GSK3B: variants seen among roughly 807,000 people sequenced by gnomAD.
The protein encoded by GSK3B is glycogen synthase kinase 3 beta.
GSK3B carries 15 observed loss-of-function variants against 56.4 expected under a neutral mutation model. That is an observed-to-expected ratio of 0.27 (90% CI 0.18 to 0.41). The LOEUF (loss-of-function observed/expected upper bound fraction) is 0.41, where lower values mean the gene tolerates loss of function less well. Among genes scored for constraint, GSK3B ranks in the 10% least tolerant of loss-of-function variants. GSK3B has a pLI of 1.00. For missense variants in GSK3B, 300 were observed against 513.4 expected (o/e 0.58, Z 4.02); for synonymous variants, 181 against 188.9 (o/e 0.96, Z 0.34).
chr3:119,848,638 A>T (rs1191060100), intron 9 of GSK3B, among the ~76,000 whole-genome samples: 2 of 152,144 alleles, frequency 1.3e-5, no homozygotes, highest in Non-Finnish European at 2.9e-5. Context: ...TTGTACTTTT[A>T]ATGTAGTAGT....
In GSK3B at chr3:119,843,295, T is replaced by C; in HGVS notation, c.1155A>G (p.Gln385=). The C allele has an allele frequency of 1.2e-6, 2 of 1,611,308 alleles. No individual in the cohort carries two copies. The highest frequency in any genetic ancestry group is 1.7e-6 in the Non-Finnish European group (2 of 1,177,974). ...TILIPPHARI[Q]AAASTPTNAT... is the part of the protein sequence containing the mutation. ...CATTTGTGGGGGTTGAAGCAGCTGC[T>C]TGAATCCGAGCATGAGGAGGAATAA... The change falls in exon 10 of 11, where the codon CAA becomes CAG. Residue 385 remains glutamine (Q), a synonymous_variant. Transcript: ENST00000264235.
At chr3:119,871,795 G>C (rs1167286293) in intron 8 of GSK3B, among the ~76,000 whole-genome samples, 2 of 152,080 alleles carry the variant, frequency 1.3e-5, no homozygotes, top group Admixed American at 6.5e-5. Flanking sequence ...ATGGCTGCAT[G>C]GTCCCTTCAA....
intron 3 of GSK3B, among the ~76,000 whole-genome samples, chr3:119,927,631 T>G (rs2056900622): frequency 2.0e-5 from 3 of 151,560 alleles, no homozygotes; most frequent in Non-Finnish European, 4.4e-5. Flanking sequence ...ACACTTTGAG[T>G]AGTTATATTA....
intron 1 of GSK3B, among the ~76,000 whole-genome samples, chr3:120,047,560 C>G (rs543644565): frequency 6.6e-6 from 1 of 152,166 alleles, no homozygotes; most frequent in Non-Finnish European, 1.5e-5. Flanking sequence ...GCAACTAGTA[C>G]ATAAAATAGC....
intron 5 of GSK3B, among the ~76,000 whole-genome samples, 158 bp downstream of exon 5, chr3:119,915,886 A>G (rs999931896): frequency 2.6e-5 from 4 of 152,198 alleles, no homozygotes; most frequent in African/African-American, 9.6e-5. Flanking sequence ...TAATTTTGAC[A>G]GAAACTAACA....
rs2055477352 is a variant in GSK3B at position 119,824,898 on chromosome 3, G to A, written c.*1890C>T. 5.5e-6 allele frequency: 1 copy of A among 180,770 alleles called. No individual in the cohort carries two copies. The highest frequency in any genetic ancestry group is 1.2e-5 in the Non-Finnish European group (1 of 84,694). 11.2% of individuals were successfully genotyped at this position (180,770 alleles called of 1,614,324 possible). On this transcript the variant is annotated 3_prime_UTR_variant, in exon 11 of 11. Transcript: ENST00000264235. The stretch of plus-strand genomic sequence containing the variant: ...ACTCTCTTGGAGAGTCACACACACA[G>A]TTAAGGAGCAGGACAGGGTGCTAGG...
chr3:119,941,521 C>T (rs867665082), intron 3 of GSK3B, among the ~76,000 whole-genome samples: 32 of 152,234 alleles, frequency 2.1e-4, no homozygotes, highest in African/African-American at 5.3e-4. Context: ...ACTTACTTAA[C>T]GGCTGTTGTA....
chr3:119,904,078 T>C (rs1226757301), intron 7 of GSK3B, among the ~76,000 whole-genome samples: 1 of 152,124 alleles, frequency 6.6e-6, no homozygotes, highest in Non-Finnish European at 1.5e-5. Flanking sequence ...AGAGCTGTAT[T>C]TAAAAATAAA....
chr3:120,015,666 A>C (rs1045961471), intron 1 of GSK3B, among the ~76,000 whole-genome samples: 16 of 146,834 alleles, frequency 1.1e-4, no homozygotes, highest in African/African-American at 3.4e-4. Context: ...AAAAAAAAAA[A>C]AAAAAAAAAA....
chr3:119,937,054 G>A (rs1182138903), intron 3 of GSK3B, among the ~76,000 whole-genome samples: 3 of 152,020 alleles, frequency 2.0e-5, no homozygotes, highest in Non-Finnish European at 4.4e-5. Flanking sequence ...TGACCACAAT[G>A]AAATGAAACT....
chr3:119,903,684 T>G (rs1012835714), intron 7 of GSK3B, among the ~76,000 whole-genome samples: 1 of 152,190 alleles, frequency 6.6e-6, no homozygotes, highest in African/African-American at 2.4e-5. Context: ...TCACTTAGCT[T>G]CCTCAGAAAT....
At chr3:119,925,622 A>T (rs948425387) in intron 3 of GSK3B, among the ~76,000 whole-genome samples, 2 of 152,142 alleles carry the variant, frequency 1.3e-5, no homozygotes, top group Non-Finnish European at 2.9e-5. Flanking sequence ...ATTGCTCCAG[A>T]ATTTTTTTTG....
rs141233431 is a variant in GSK3B at position 120,091,201 on chromosome 3, A to C, written c.88+2146T>G. On this transcript the variant is annotated intron_variant, in intron 1 of 10. Coordinates refer to ENST00000264235, the MANE Select transcript of GSK3B (RefSeq NM_001146156.2). ...TAGCCTCCCTCTACAACTAAAGGAT[A>C]AGCTTTTGAGAGCAAGGACTACAAT... 7.3e-3 allele frequency among the ~76,000 whole-genome samples: 1,115 copies of C among 152,300 alleles called. 8 individuals carry two copies. The highest frequency in any genetic ancestry group is 0.017 in the Middle Eastern group (5 of 294).
At position 119,822,863 on chromosome 3, in the gene GSK3B, G is replaced by C. The variant is rs2055435412; in HGVS notation, c.*3925C>G. 1 of 228,104 alleles carries C rather than the reference G, an allele frequency of 4.4e-6. No individual in the cohort carries two copies. The allele number at this position is 228,104 out of a possible 1,614,324, so 14.1% of individuals were successfully genotyped here. A position where few individuals can be genotyped will look rare whatever the true frequency, so the allele number is the denominator to read the frequency against. The stretch of plus-strand genomic sequence containing the variant: ...ATCTGGCATTGGCCAAACTTCCTTT[G>C]GAAGATTCCAAAGTTAAATCCTTTA... On this transcript the variant is annotated 3_prime_UTR_variant, in exon 11 of 11. Coordinates refer to ENST00000264235, the MANE Select transcript of GSK3B (RefSeq NM_001146156.2).
intron 7 of GSK3B, among the ~76,000 whole-genome samples, chr3:119,890,730 C>T (rs1426137404): frequency 1.5e-5 from 2 of 136,484 alleles, no homozygotes; most frequent in African/African-American, 3.0e-5. Flanking sequence ...TTTCTATTAA[C>T]TTGATTTAAA....
At chr3:119,980,988 A>G (rs537355964) in intron 2 of GSK3B, among the ~76,000 whole-genome samples, 50 of 152,324 alleles carry the variant, frequency 3.3e-4, no homozygotes, top group Non-Finnish European at 6.3e-4. Flanking sequence ...TATACAAGAA[A>G]TGTTGTATAA....
intron 9 of GSK3B, 23 bp from the exon 10 acceptor site, chr3:119,843,376 T>A (rs2055806856): frequency 1.5e-6 from 2 of 1,301,442 alleles, no homozygotes; most frequent in Non-Finnish European, 2.2e-6. Flanking sequence ...AAGACACAAA[T>A]GTTAGAGTCC....
intron 7 of GSK3B, among the ~76,000 whole-genome samples, chr3:119,876,785 G>T (rs568302512): frequency 6.6e-6 from 1 of 152,110 alleles, no homozygotes; most frequent in Non-Finnish European, 1.5e-5. Flanking sequence ...TAAAGTGGAA[G>T]CAGGATTGTT....
intron 1 of GSK3B, among the ~76,000 whole-genome samples, chr3:120,073,087 A>G (rs2058339089): frequency 6.6e-6 from 1 of 152,062 alleles, no homozygotes; most frequent in African/African-American, 2.4e-5. Context: ...ATTCAGTTTC[A>G]TCTGTTAAAG....
Sources: gnomAD v4.1 joint callset for allele counts (sites outside exome capture counted in the v4.1 genomes callset) on GRCh38, gnomAD v4.1.1 for gene constraint, MANE v1.5 for transcripts, NCBI Gene and HGNC (gene_info 2026-07-23, HGNC 2026-07-21) for gene names.